Variants in TREH observed in about 807,000 individuals in gnomAD.
TREH encodes the protein trehalase, also known as alpha,alpha-trehalose glucohydrolase.
In TREH, 69 loss-of-function variants were observed where a neutral mutation model predicts 80.5. The observed-to-expected ratio is 0.86, with a 90% CI of 0.71 to 1.05. The LOEUF (loss-of-function observed/expected upper bound fraction) is 1.05. Ranked by LOEUF, TREH falls within the 50% of genes least tolerant of loss-of-function variation. The pLI, the probability that TREH is intolerant of heterozygous loss-of-function variation, is 0.00. For synonymous variants in TREH, 309 were observed against 293.5 expected (o/e 1.05, Z -0.54); for missense variants, 716 against 718.8 (o/e 1.00, Z 0.04).
chr11:118,676,401 G>A (rs1949479003), intron 1 of TREH, among the ~76,000 whole-genome samples: 1 of 152,170 alleles, frequency 6.6e-6, no homozygotes, highest in Non-Finnish European at 1.5e-5. Context: ...TAAGCCCAGA[G>A]AGATTGAGGC....
At position 118,660,821 on chromosome 11, in the gene TREH, G is replaced by A. The variant is rs372828123; in HGVS notation, c.907+45C>T. 484 of 1,553,832 alleles carry A rather than the reference G, an allele frequency of 3.1e-4. 1 individual carries two copies. The African/African-American group carries it at 5.9e-3, about 19-fold the overall frequency. On this transcript the variant is annotated intron_variant, in intron 9 of 14. Coordinates refer to ENST00000264029, the MANE Select transcript of TREH (RefSeq NM_007180.3). Reference sequence around the variant, plus strand: ...GACCAGAGCCTGACACAGCAGGTGTGCAGCTGCCCTGCCCCCAGCCCTCCC... The same window carrying A: ...GACCAGAGCCTGACACAGCAGGTGTACAGCTGCCCTGCCCCCAGCCCTCCC...
rs76006827 is a variant in TREH at position 118,664,965 on chromosome 11, C to T, written c.90-1526G>A. 8.2e-3 allele frequency among the ~76,000 whole-genome samples: 1,255 copies of T among 152,190 alleles called. 16 individuals carry two copies. Among genetic ancestry groups the T allele is most frequent in the African/African-American group, 0.028 (1,180 of 41,524 alleles). ...CTCCACTAAAAATACAAAAATTAGA[C>T]AGATGTGGTGGCACGTGCCTGTGAT... is the stretch of plus-strand genomic sequence containing the variant. On this transcript the variant is annotated intron_variant, in intron 1 of 14. Coordinates refer to ENST00000264029, the MANE Select transcript of TREH (RefSeq NM_007180.3).
intron 1 of TREH, among the ~76,000 whole-genome samples, chr11:118,669,387 T>C (rs1201910462): frequency 1.3e-5 from 2 of 152,252 alleles, no homozygotes; most frequent in Admixed American, 6.5e-5. Context: ...AAGAGATATC[T>C]GCACTCCCAT....
chr11:118,658,338 A>G lies in TREH; in HGVS notation c.1703T>C (p.Leu568Pro). The change falls in exon 15 of 15, where the codon CTG becomes CCG. Residue 568 changes from leucine (L) to proline (P), a missense_variant. By Grantham distance (98) the Leu-to-Pro change is moderately conservative. Transcript: ENST00000264029. The part of the protein sequence containing the change: ...AKLAFLEPHC[L>P]AATLLPSLLL... ...GAGGCTGGGCAGAAGGGTGGCCGCC[A>G]GGCAGTGGGGCTCCAGGAAAGCCAG... 1 of 1,597,488 alleles carries G rather than the reference A, an allele frequency of 6.3e-7. No homozygotes were observed. Among genetic ancestry groups the G allele is most frequent in the Non-Finnish European group, 8.5e-7 (1 of 1,172,908 alleles).
rs186012180 is a variant in TREH, at chr11:118,666,282, C to T, written c.90-2843G>A. 3.8e-4 allele frequency among the ~76,000 whole-genome samples: 58 copies of T among 151,998 alleles called. 1 individual carries two copies. The East Asian group carries it at 7.4e-3, about 19-fold the overall frequency. ...AGATGGTGAGGAAGAGACATAGTAGCTGAGGGTAAAGGAATGAGTAAATGG... is the reference window on the plus strand; with the variant it reads ...AGATGGTGAGGAAGAGACATAGTAGTTGAGGGTAAAGGAATGAGTAAATGG... On this transcript the variant is annotated intron_variant, in intron 1 of 14. Transcript: ENST00000264029.
rs1949282222 is a variant in TREH at position 118,659,486 on chromosome 11, A to G, written c.1321-5T>C. ...GTAAGTCAGGATCCGGTTGTCCTAG[A>G]AGGTCCCAGACATTCCCATGACTGT... is the stretch of plus-strand genomic sequence containing the variant. On this transcript the variant is annotated splice_region_variant and splice_polypyrimidine_tract_variant and intron_variant, in intron 11 of 14. Coordinates refer to ENST00000264029, the MANE Select transcript of TREH (RefSeq NM_007180.3). 3.2e-6 allele frequency: 5 copies of G among 1,576,090 alleles called. No individual in the cohort carries two copies. The highest frequency in any genetic ancestry group is 4.3e-6 in the Non-Finnish European group (5 of 1,159,910).
At chr11:118,677,200 G>A (rs782235773) in intron 1 of TREH, among the ~76,000 whole-genome samples, 8 of 152,198 alleles carry the variant, frequency 5.3e-5, no homozygotes, top group Non-Finnish European at 1.0e-4. Flanking sequence ...GGTAGTCCAC[G>A]CTTTCATCAC....
chr11:118,660,537 AC>A lies in TREH; in HGVS notation c.1102+1del. On this transcript the variant is annotated splice_donor_variant, in intron 10 of 14. Coordinates refer to ENST00000264029, the MANE Select transcript of TREH (RefSeq NM_007180.3). LOFTEE classifies it high-confidence loss of function. Reference sequence around the variant, plus strand: ...CTTTCCCTTCCCTACTGGGGTGCTCACCCAGCCTGGAATAGAAGTTGCTCAT... The same window carrying A: ...CTTTCCCTTCCCTACTGGGGTGCTCACCAGCCTGGAATAGAAGTTGCTCAT... 1 of 1,596,038 alleles carries A rather than the reference AC, an allele frequency of 6.3e-7. No homozygotes were observed. The highest frequency in any genetic ancestry group is 1.1e-5 in the South Asian group (1 of 88,552).
At position 118,658,974 on chromosome 11, in the gene TREH, GA is replaced by G; in HGVS notation, c.1475del (p.Phe492SerfsTer53). 1 of 1,613,916 alleles carries G rather than the reference GA, an allele frequency of 6.2e-7. No homozygotes were observed. The highest frequency in any genetic ancestry group is 8.5e-7 in the Non-Finnish European group (1 of 1,179,882). On this transcript the variant is annotated frameshift_variant, in exon 13 of 15. Transcript: ENST00000264029. LOFTEE classifies it high-confidence loss of function. Reference sequence around the variant, plus strand: ...TTCGGATCCAATTCTGAGCCAGCTGGAAAGCCACTTCCTGGGCCCGACGTAA... The same window carrying G: ...TTCGGATCCAATTCTGAGCCAGCTGGAAGCCACTTCCTGGGCCCGACGTAA... ...APLRRAQEVA[F>X]QLAQNWIRTN...
intron 1 of TREH, among the ~76,000 whole-genome samples, chr11:118,667,453 G>C (rs1364068985): frequency 6.6e-6 from 1 of 152,034 alleles, no homozygotes; most frequent in East Asian, 1.9e-4. Flanking sequence ...CTCCCGGCTT[G>C]GCCTCCCAAA....
chr11:118,663,357 G>A lies in TREH; in HGVS notation c.172C>T (p.Pro58Ser), dbSNP rs199778067. ...YQDDKQFVDM[P>S]LSIAPEQVLQ... ...GCTTCACCTGGAGCTATAGACAGTGGCATGTCCACAAACTGCTTGTCATCC... is the reference window on the plus strand; with the variant it reads ...GCTTCACCTGGAGCTATAGACAGTGACATGTCCACAAACTGCTTGTCATCC... Residue 58 changes from proline to serine, a missense_variant, in exon 2 of 15, where the codon CCA (proline) becomes TCA (serine). Coordinates refer to ENST00000264029, the MANE Select transcript of TREH (RefSeq NM_007180.3). The A allele has an allele frequency of 3.8e-6, 6 of 1,593,952 alleles. No homozygotes were observed. The highest frequency in any genetic ancestry group is 5.1e-6 in the Non-Finnish European group (6 of 1,170,082).
chr11:118,673,264 T>C (rs1178522409), intron 1 of TREH, among the ~76,000 whole-genome samples: 3 of 152,158 alleles, frequency 2.0e-5, no homozygotes, highest in Non-Finnish European at 4.4e-5. Context: ...CCTTTTACAG[T>C]GTCAGTATTT....
chr11:118,673,579 C>T (rs1486682657), intron 1 of TREH, among the ~76,000 whole-genome samples: 2 of 152,230 alleles, frequency 1.3e-5, no homozygotes, highest in African/African-American at 4.8e-5. Context: ...ACGTGGCCAC[C>T]TCAGGTGAGC....
Position 118,674,820 on chromosome 11 carries a change from G to A in TREH, c.89+4719C>T, listed in dbSNP as rs762407059. Among the ~76,000 whole-genome samples, 1 of 152,152 alleles carries A rather than the reference G, an allele frequency of 6.6e-6. No individual in the cohort carries two copies. Among genetic ancestry groups the A allele is most frequent in the Non-Finnish European group, 1.5e-5 (1 of 68,038 alleles). On this transcript the variant is annotated intron_variant, in intron 1 of 14. Transcript: ENST00000264029. This position sits in a 1 kb window ranked among gnomAD's most constrained non-coding sequence, Gnocchi z 4.4. The stretch of plus-strand genomic sequence containing the variant: ...GCCTCCCAAAGTGCTGGGATTACAG[G>A]CGTGAGCCACTGCACCTGGCTGCAT...
intron 1 of TREH, among the ~76,000 whole-genome samples, chr11:118,663,742 A>C (rs1029123419): frequency 5.3e-5 from 8 of 152,160 alleles, no homozygotes; most frequent in African/African-American, 1.9e-4. Flanking sequence ...CACTTTAATC[A>C]TACTGGTGTG....
intron 8 of TREH, 73 bp from the exon 9 acceptor site, chr11:118,660,988 G>A (rs1565525382): frequency 6.5e-7 from 1 of 1,546,994 alleles, no homozygotes; most frequent in Non-Finnish European, 8.8e-7. Flanking sequence ...AAGAGGCTGA[G>A]CCATCTTGAT....
chr11:118,659,608 C>G, intron 11 of TREH, 127 bp from the exon 12 acceptor site: 1 of 1,353,760 alleles, frequency 7.4e-7, no homozygotes, highest in South Asian at 1.4e-5. Context: ...CACAGCTGCC[C>G]CCCGGTGGCT....
chr11:118,676,396 C>T (rs917241090), intron 1 of TREH, among the ~76,000 whole-genome samples: 35 of 151,816 alleles, frequency 2.3e-4, no homozygotes, highest in Non-Finnish European at 4.6e-4. Flanking sequence ...TCACCTAAGC[C>T]CAGAGAGATT....
intron 1 of TREH, among the ~76,000 whole-genome samples, chr11:118,673,797 A>G (rs1949451969): frequency 6.6e-6 from 1 of 152,224 alleles, no homozygotes; most frequent in African/African-American, 2.4e-5. Context: ...AACAGTATGC[A>G]ATTCAACCCA....
Sources: gnomAD v4.1 joint callset for allele counts (sites outside exome capture counted in the v4.1 genomes callset) on GRCh38, gnomAD v4.1.1 for gene constraint, Gnocchi (gnomAD v3.1) non-coding constraint, MANE v1.5 for transcripts, NCBI Gene and HGNC (gene_info 2026-07-23, HGNC 2026-07-21) for gene names.